The following SLC25A21 variants were observed in gnomAD, a reference collection of about 807,000 sequenced individuals.
SLC25A21 encodes the protein mitochondrial 2-oxodicarboxylate carrier.
Under a neutral mutation model 43.8 loss-of-function variants are expected in SLC25A21, and 47 were observed. That is an observed-to-expected ratio of 1.07 (90% confidence interval 0.85 to 1.37). The LOEUF (loss-of-function observed/expected upper bound fraction) is 1.37. SLC25A21 is among the 40% of genes most tolerant of loss of function. The probability of loss-of-function intolerance (pLI) is 0.00; values close to 1 mark genes in which losing one functional copy is unlikely to be tolerated. For missense variants in SLC25A21, 352 were observed against 350.2 expected (o/e 1.00, Z -0.04); for synonymous variants, 131 against 121.3 (o/e 1.08, Z -0.52).
intron 1 of SLC25A21, among the ~76,000 whole-genome samples, chr14:37,062,488 T>A (rs1338981230): frequency 6.6e-6 from 1 of 152,174 alleles, no homozygotes; most frequent in Non-Finnish European, 1.5e-5. Context: ...ACTCTCTATT[T>A]AATCCAACTC....
intron 1 of SLC25A21, among the ~76,000 whole-genome samples, chr14:36,956,903 A>G (rs1439570991): frequency 2.0e-5 from 3 of 152,234 alleles, no homozygotes; most frequent in African/African-American, 7.2e-5. Flanking sequence ...GTATGTACAA[A>G]TAATTCAAAA....
At chr14:36,866,561 C>T (rs75175525) in intron 2 of SLC25A21, among the ~76,000 whole-genome samples, 7,484 of 152,122 alleles carry the variant, frequency 0.049, 398 homozygotes, top group East Asian at 0.12. Context: ...CTTGAAATGC[C>T]CATGTAGCAA....
At chr14:36,963,910 G>A (rs978638691) in intron 1 of SLC25A21, among the ~76,000 whole-genome samples, 2 of 152,112 alleles carry the variant, frequency 1.3e-5, no homozygotes, top group Non-Finnish European at 2.9e-5. Flanking sequence ...TGCTTTCACA[G>A]TTCCACGATA....
intron 1 of SLC25A21, among the ~76,000 whole-genome samples, chr14:37,002,599 T>A (rs1428696796): frequency 6.6e-6 from 1 of 152,020 alleles, no homozygotes; most frequent in East Asian, 1.9e-4. Context: ...TTAATAGGAG[T>A]ACATACAGCA....
intron 1 of SLC25A21, among the ~76,000 whole-genome samples, chr14:37,119,211 T>C (rs1377094223): frequency 6.6e-6 from 1 of 152,082 alleles, no homozygotes; most frequent in Non-Finnish European, 1.5e-5. Flanking sequence ...GCCTGCCCCT[T>C]TCACAGAAAA....
At chr14:36,895,197 A>C (rs1891202605) in intron 1 of SLC25A21, among the ~76,000 whole-genome samples, 1 of 152,154 alleles carries the variant, frequency 6.6e-6, no homozygotes, top group South Asian at 2.1e-4. Flanking sequence ...GTAAGCTATT[A>C]ATTATTGCCT....
At chr14:37,015,137 T>C (rs889744303) in intron 1 of SLC25A21, among the ~76,000 whole-genome samples, 1 of 151,656 alleles carries the variant, frequency 6.6e-6, no homozygotes, top group Non-Finnish European at 1.5e-5. Context: ...GTGTGCTGCA[T>C]CCATTAACTC....
Position 37,100,257 on chromosome 14 carries a change from C to A in SLC25A21, c.70+72024G>T, listed in dbSNP as rs191661270. 6.6e-5 allele frequency among the ~76,000 whole-genome samples: 10 copies of A among 152,144 alleles called. No individual in the cohort carries two copies. The East Asian group carries it at 1.9e-3, about 30-fold the overall frequency. ...TATTTTTAGTAGAGATGGGGTTTCA[C>A]CATGTTGGCCAGGCTGGTCTCGAAC... On this transcript the variant is annotated intron_variant, in intron 1 of 9. Transcript: ENST00000331299.
At chr14:36,757,122 G>A (rs1258357335) in intron 3 of SLC25A21, among the ~76,000 whole-genome samples, 1 of 151,536 alleles carries the variant, frequency 6.6e-6, no homozygotes, top group Non-Finnish European at 1.5e-5. Context: ...CCCAGGTGTG[G>A]TGGCATGTGC....
chr14:37,105,785 G>A (rs933529395), intron 1 of SLC25A21, among the ~76,000 whole-genome samples: 6 of 152,056 alleles, frequency 3.9e-5, no homozygotes, highest in African/African-American at 1.2e-4. Context: ...TCAGAAAATG[G>A]TAGATTAGTT....
chr14:36,789,580 G>A (rs1887371401), intron 3 of SLC25A21, among the ~76,000 whole-genome samples: 1 of 149,750 alleles, frequency 6.7e-6, no homozygotes, highest in South Asian at 2.1e-4. Flanking sequence ...TTGTAGGCAA[G>A]GTAGGATAAA....
At chr14:36,790,165 G>C (rs1221825901) in intron 3 of SLC25A21, among the ~76,000 whole-genome samples, 1 of 150,886 alleles carries the variant, frequency 6.6e-6, no homozygotes, top group Non-Finnish European at 1.5e-5. Context: ...TGTCCTTTCT[G>C]AAGTGCCGTG....
chr14:36,765,059 G>A (rs1490956127), intron 3 of SLC25A21, among the ~76,000 whole-genome samples: 1 of 152,206 alleles, frequency 6.6e-6, no homozygotes, highest in Non-Finnish European at 1.5e-5. Context: ...TTGACCAATA[G>A]AATATGGGAG....
chr14:36,803,058 C>T (rs937747218), intron 3 of SLC25A21, among the ~76,000 whole-genome samples: 6 of 152,172 alleles, frequency 3.9e-5, no homozygotes, highest in African/African-American at 1.2e-4. Context: ...TCACCCACAT[C>T]CATTGTCAAA....
chr14:36,810,685 A>G (rs1315426629), intron 3 of SLC25A21, among the ~76,000 whole-genome samples: 2 of 152,132 alleles, frequency 1.3e-5, no homozygotes, highest in African/African-American at 4.8e-5. Flanking sequence ...TGTTGGTGTG[A>G]TGACTTCCAT....
intron 1 of SLC25A21, among the ~76,000 whole-genome samples, chr14:37,021,545 T>C (rs1410585426): frequency 3.9e-5 from 6 of 151,972 alleles, no homozygotes; most frequent in Non-Finnish European, 8.8e-5. Context: ...CTATGTAATG[T>C]CTCTCTTGGG....
intron 2 of SLC25A21, among the ~76,000 whole-genome samples, chr14:36,868,405 T>A (rs905863047): frequency 6.6e-6 from 1 of 152,148 alleles, no homozygotes; most frequent in African/African-American, 2.4e-5. Flanking sequence ...TAGTCAAATA[T>A]CCTCTGCTAA....
At chr14:36,822,753 T>C (rs972619909) in intron 2 of SLC25A21, among the ~76,000 whole-genome samples, 12 of 152,230 alleles carry the variant, frequency 7.9e-5, no homozygotes, top group Non-Finnish European at 1.2e-4. Context: ...AGCCTGAATA[T>C]ACTTTAAGTA....
chr14:36,691,987 C>T (rs1273416875), intron 7 of SLC25A21, among the ~76,000 whole-genome samples: 1 of 152,192 alleles, frequency 6.6e-6, no homozygotes, highest in African/African-American at 2.4e-5. Flanking sequence ...CCCTTGCAAA[C>T]ATTTTAAGGC....
Sources: gnomAD v4.1 joint callset for allele counts (sites outside exome capture counted in the v4.1 genomes callset) on GRCh38, gnomAD v4.1.1 for gene constraint, MANE v1.5 for transcripts, NCBI Gene and HGNC (gene_info 2026-07-23, HGNC 2026-07-21) for gene names.